The following WHRN variants were observed in gnomAD, a reference collection of about 807,000 sequenced individuals.
WHRN encodes the protein CASK-interacting protein CIP98.
In WHRN, 41 loss-of-function variants were observed where a neutral mutation model predicts 68.3. That is an observed-to-expected ratio of 0.60 (90% CI 0.47 to 0.78). WHRN has a LOEUF of 0.78. WHRN is among the 30% of genes least tolerant of loss of function. The pLI, the probability that WHRN is intolerant of heterozygous loss-of-function variation, is 0.00. For synonymous variants in WHRN, 560 were observed against 561.3 expected (o/e 1.00, Z 0.03); for missense variants, 1,243 against 1,244.7 (o/e 1.00, Z 0.02).
At chr9:114,436,594 C>T (rs1837872495) in intron 3 of WHRN, among the ~76,000 whole-genome samples, 1 of 152,072 alleles carries the variant, frequency 6.6e-6, no homozygotes, top group Admixed American at 6.6e-5. Flanking sequence ...CTTGTGGGGC[C>T]GAGGTGGGTG....
At chr9:114,487,959 T>A (rs1369516426) in intron 1 of WHRN, among the ~76,000 whole-genome samples, 1 of 152,218 alleles carries the variant, frequency 6.6e-6, no homozygotes, top group Non-Finnish European at 1.5e-5. Flanking sequence ...AGATCTTGGC[T>A]CTATCTTCCA....
chr9:114,426,521 G>T (rs1836877219), intron 3 of WHRN, 108 bp from the exon 4 acceptor site: 2 of 1,311,910 alleles, frequency 1.5e-6, no homozygotes, highest in African/African-American at 1.4e-5. Flanking sequence ...TGTCAAGGAG[G>T]TCATCCAGGA....
intron 1 of WHRN, among the ~76,000 whole-genome samples, chr9:114,483,994 TC>T (rs2133203603): frequency 6.6e-6 from 1 of 152,292 alleles, no homozygotes; most frequent in African/African-American, 2.4e-5. Flanking sequence ...CCTCAGTTTC[TC>T]CCATCCCAGC....
At chr9:114,498,101 G>A (rs1346382959) in intron 1 of WHRN, among the ~76,000 whole-genome samples, 1 of 152,112 alleles carries the variant, frequency 6.6e-6, no homozygotes, top group Non-Finnish European at 1.5e-5. Flanking sequence ...ATTCACTAGC[G>A]CTGGATTAGG....
intron 9 of WHRN, 99 bp from the exon 10 acceptor site, chr9:114,404,176 G>T: frequency 1.5e-6 from 2 of 1,294,906 alleles, no homozygotes; most frequent in Non-Finnish European, 2.2e-6. Flanking sequence ...AAGGCTGGGG[G>T]AATTCCCCAG....
At chr9:114,427,936 G>C (rs964586606) in intron 3 of WHRN, among the ~76,000 whole-genome samples, 17 of 152,324 alleles carry the variant, frequency 1.1e-4, no homozygotes, top group African/African-American at 3.6e-4. Context: ...TTTAGCTCAC[G>C]ATCAAGGGTG....
chr9:114,420,403 A>G (rs1428882217), intron 7 of WHRN, among the ~76,000 whole-genome samples: 1 of 152,204 alleles, frequency 6.6e-6, no homozygotes, highest in African/African-American at 2.4e-5. Context: ...CTTTGGGGCG[A>G]GGCTGGGATC....
chr9:114,503,117 G>A (rs1250736603), intron 1 of WHRN: 1 of 985,282 alleles, frequency 1.0e-6, no homozygotes, highest in South Asian at 4.7e-5. Flanking sequence ...CTGGACACAG[G>A]CCACTGAACG....
chr9:114,453,806 C>T (rs1839542428), intron 3 of WHRN, among the ~76,000 whole-genome samples: 1 of 152,176 alleles, frequency 6.6e-6, no homozygotes. Context: ...TGAATGACTT[C>T]CCAACTCATT....
At chr9:114,474,238 T>C (rs954411203) in intron 2 of WHRN, among the ~76,000 whole-genome samples, 1 of 152,224 alleles carries the variant, frequency 6.6e-6, no homozygotes, top group Non-Finnish European at 1.5e-5. Context: ...AGAAACATCA[T>C]TACTGGCTCC....
Position 114,403,472 on chromosome 9 carries a change from T to G in WHRN, c.2419-133A>C. ...AGCCCTGTGTCGGGAGCCTCAGGTG[T>G]GCAACGCACTAAGCCAAGCACTTGT... is the stretch of plus-strand genomic sequence containing the variant. On this transcript the variant is annotated intron_variant, in intron 10 of 11. Coordinates refer to ENST00000362057, the MANE Select transcript of WHRN (RefSeq NM_015404.4). 6.8e-6 allele frequency: 8 copies of G among 1,173,896 alleles called. No homozygotes were observed. The South Asian group carries it at 8.7e-5, about 13-fold the overall frequency. 72.7% of individuals were successfully genotyped at this position (1,173,896 alleles called of 1,614,324 possible).
At chr9:114,483,908 G>C (rs11789406) in intron 1 of WHRN, among the ~76,000 whole-genome samples, 1 of 152,008 alleles carries the variant, frequency 6.6e-6, no homozygotes, top group Non-Finnish European at 1.5e-5. Flanking sequence ...CAGGGGCTCT[G>C]GGACACCCAG....
intron 3 of WHRN, among the ~76,000 whole-genome samples, chr9:114,450,609 A>G (rs963596379): frequency 6.6e-6 from 1 of 152,184 alleles, no homozygotes; most frequent in Non-Finnish European, 1.5e-5. Context: ...AAATACTTTT[A>G]TCTGCATCAA....
intron 3 of WHRN, among the ~76,000 whole-genome samples, chr9:114,436,277 T>C (rs1459413613): frequency 6.6e-6 from 1 of 152,156 alleles, no homozygotes; most frequent in Non-Finnish European, 1.5e-5. Context: ...CTCTTCTGTA[T>C]TACACTATAA....
intron 7 of WHRN, among the ~76,000 whole-genome samples, chr9:114,418,714 C>G (rs1463567442): frequency 6.6e-6 from 1 of 152,216 alleles, no homozygotes; most frequent in Non-Finnish European, 1.5e-5. Flanking sequence ...TGGAAATGCT[C>G]TTCTCCCAGA....
At chr9:114,425,638 C>CACAG (rs924316481) in intron 4 of WHRN, 45 of 227,342 alleles carry the variant, frequency 2.0e-4, no homozygotes, top group Admixed American at 5.9e-4. Context: ...CACAGAGAGA[C>CACAG]ACAGACAGAC....
At chr9:114,429,460 T>C (rs1837206964) in intron 3 of WHRN, among the ~76,000 whole-genome samples, 1 of 152,232 alleles carries the variant, frequency 6.6e-6, no homozygotes, top group Non-Finnish European at 1.5e-5. Context: ...AAGGGAGTCC[T>C]AGCCCAGGAT....
chr9:114,448,229 G>A (rs994775020), intron 3 of WHRN, among the ~76,000 whole-genome samples: 2 of 152,136 alleles, frequency 1.3e-5, no homozygotes, highest in African/African-American at 4.8e-5. Context: ...AACGGACAGG[G>A]AGATTTGAGC....
intron 2 of WHRN, among the ~76,000 whole-genome samples, chr9:114,472,959 A>C (rs1017517484): frequency 2.0e-5 from 3 of 152,242 alleles, no homozygotes; most frequent in African/African-American, 7.2e-5. Context: ...ACAGTCACGA[A>C]GTTTCAAAAA....
Sources: gnomAD v4.1 joint callset for allele counts (sites outside exome capture counted in the v4.1 genomes callset) on GRCh38, gnomAD v4.1.1 for gene constraint, MANE v1.5 for transcripts, NCBI Gene and HGNC (gene_info 2026-07-23, HGNC 2026-07-21) for gene names.